Variants in PPARGC1A observed in about 807,000 individuals in gnomAD.
PPARGC1A encodes the protein peroxisome proliferator-activated receptor gamma coactivator 1-alpha.
Under a neutral mutation model 88.7 loss-of-function variants are expected in PPARGC1A, and 25 were observed. That is an observed-to-expected ratio of 0.28 (90% confidence interval 0.21 to 0.39). The LOEUF is 0.39. Among genes scored for constraint, PPARGC1A ranks in the 10% least tolerant of loss-of-function variants. PPARGC1A has a pLI of 1.00. For synonymous variants in PPARGC1A, 363 were observed against 355.6 expected (o/e 1.02, Z -0.24); for missense variants, 880 against 968.7 (o/e 0.91, Z 1.22).
At chr4:24,019,378 G>A in the PPARGC1A span, among the ~76,000 whole-genome samples, 3 of 152,130 alleles carry the variant, frequency 2.0e-5, no homozygotes, top group Non-Finnish European at 4.4e-5. Context: ...CAGTTTTACA[G>A]GTTAGAAAAC....
At chr4:24,203,880 G>A in the PPARGC1A span, among the ~76,000 whole-genome samples, 514 of 152,328 alleles carry the variant, frequency 3.4e-3, 2 homozygotes, top group African/African-American at 0.011. Flanking sequence ...GTGCTTTGAA[G>A]TGTTCATTTA....
the PPARGC1A span, among the ~76,000 whole-genome samples, chr4:24,422,455 T>C: frequency 1.3e-5 from 2 of 152,202 alleles, no homozygotes; most frequent in African/African-American, 4.8e-5. Context: ...TTTATTAACC[T>C]CTTTCCCATG....
the PPARGC1A span, among the ~76,000 whole-genome samples, chr4:24,184,908 G>A: frequency 6.6e-6 from 1 of 152,140 alleles, no homozygotes; most frequent in African/African-American, 2.4e-5. Flanking sequence ...AAGAAGTCAG[G>A]AAAAAGAAGC....
At chr4:24,047,213 G>A in the PPARGC1A span, among the ~76,000 whole-genome samples, 167 of 152,264 alleles carry the variant, frequency 1.1e-3, 1 homozygote, top group African/African-American at 3.9e-3. Flanking sequence ...ACTCGAAATA[G>A]TTTACTGTCC....
chr4:24,071,512 A>G, the PPARGC1A span, among the ~76,000 whole-genome samples: 341 of 152,004 alleles, frequency 2.2e-3, 1 homozygote, highest in African/African-American at 7.6e-3. Flanking sequence ...TTTTCTGCCA[A>G]TCTGGGTCAA....
chr4:24,354,079 T>G, the PPARGC1A span, among the ~76,000 whole-genome samples: 2 of 151,898 alleles, frequency 1.3e-5, no homozygotes, highest in Non-Finnish European at 2.9e-5. Context: ...TAATGGAGAG[T>G]AGTCCTTCAC....
At chr4:23,896,915 T>C (rs1257008501) in intron 1 of PPARGC1A, among the ~76,000 whole-genome samples, 1 of 152,006 alleles carries the variant, frequency 6.6e-6, no homozygotes, top group African/African-American at 2.4e-5. Context: ...ACCAGGAAAA[T>C]GCAGTCCCAG....
chr4:24,037,031 A>G, the PPARGC1A span, among the ~76,000 whole-genome samples: 1 of 152,208 alleles, frequency 6.6e-6, no homozygotes, highest in African/African-American at 2.4e-5. Context: ...TGATACAAAC[A>G]TTGTCAAATA....
At chr4:24,109,296 TATACAC>T in the PPARGC1A span, among the ~76,000 whole-genome samples, 1 of 105,714 alleles carries the variant, frequency 9.5e-6, no homozygotes. Flanking sequence ...ACCATTTCAT[TATACAC>T]ACACACACAC....
the PPARGC1A span, among the ~76,000 whole-genome samples, chr4:24,400,674 C>T: frequency 6.6e-6 from 1 of 152,164 alleles, no homozygotes; most frequent in Non-Finnish European, 1.5e-5. Flanking sequence ...CTGTAGGTGT[C>T]TAATTTGCAG....
chr4:24,130,891 T>C, the PPARGC1A span, among the ~76,000 whole-genome samples: 1 of 152,150 alleles, frequency 6.6e-6, no homozygotes, highest in African/African-American at 2.4e-5. Flanking sequence ...GTTCCAGCCA[T>C]GCTGAGCCAT....
At chr4:23,826,921 C>CT (rs1182644634) in intron 5 of PPARGC1A, among the ~76,000 whole-genome samples, 1 of 152,056 alleles carries the variant, frequency 6.6e-6, no homozygotes, top group Non-Finnish European at 1.5e-5. Context: ...ATTACAAGGA[C>CT]TTTAAATTTG....
the PPARGC1A span, among the ~76,000 whole-genome samples, chr4:24,194,129 C>CAAAA: frequency 0.066 from 8,497 of 128,486 alleles, 352 homozygotes; most frequent in African/African-American, 0.09. Context: ...AACTCCATCT[C>CAAAA]AAAAAAAAAA....
chr4:24,380,609 A>T, the PPARGC1A span, among the ~76,000 whole-genome samples: 1 of 152,144 alleles, frequency 6.6e-6, no homozygotes, highest in Non-Finnish European at 1.5e-5. Context: ...TGGAGGGAAG[A>T]CAAGACGAGA....
At chr4:24,408,049 G>A in the PPARGC1A span, among the ~76,000 whole-genome samples, 4 of 152,122 alleles carry the variant, frequency 2.6e-5, no homozygotes, top group African/African-American at 7.2e-5. Context: ...ACTTCCTGGT[G>A]TGATGCAATT....
At chr4:24,057,794 G>A in the PPARGC1A span, among the ~76,000 whole-genome samples, 1 of 152,200 alleles carries the variant, frequency 6.6e-6, no homozygotes, top group Non-Finnish European at 1.5e-5. Flanking sequence ...AATACAGGTA[G>A]CGAGCTGAGT....
At chr4:24,079,805 T>C in the PPARGC1A span, among the ~76,000 whole-genome samples, 1 of 152,088 alleles carries the variant, frequency 6.6e-6, no homozygotes, top group Admixed American at 6.5e-5. Context: ...ACTGACTGCA[T>C]ACTTGTCAGT....
the PPARGC1A span, among the ~76,000 whole-genome samples, chr4:24,289,227 A>AG: frequency 8.2e-4 from 122 of 149,454 alleles, no homozygotes; most frequent in African/African-American, 3.0e-3. Flanking sequence ...CTCAAAAAAA[A>AG]AAAAAAAAAA....
chr4:24,318,104 C>T, the PPARGC1A span, among the ~76,000 whole-genome samples: 1 of 152,304 alleles, frequency 6.6e-6, no homozygotes, highest in African/African-American at 2.4e-5. Flanking sequence ...AAGATTAGTC[C>T]TGAAGCCAGT....
Sources: allele counts gnomAD v4.1 joint callset (sites outside exome capture counted in the v4.1 genomes callset), GRCh38; gene constraint gnomAD v4.1.1; transcripts MANE v1.5; gene names NCBI Gene and HGNC (gene_info 2026-07-23, HGNC 2026-07-21).